EIF2A: variants seen among roughly 807,000 people sequenced by gnomAD.
EIF2A encodes the protein eukaryotic translation initiation factor 2A.
Under a neutral mutation model 75.2 loss-of-function variants are expected in EIF2A, and 62 were observed. The observed-to-expected ratio is 0.82, with a 90% CI of 0.67 to 1.02. The LOEUF is 1.02. Ranked by LOEUF, EIF2A falls within the 50% of genes least tolerant of loss-of-function variation. EIF2A has a pLI of 0.00. For missense variants in EIF2A, 611 were observed against 677.7 expected (o/e 0.90, Z 1.09); for synonymous variants, 207 against 239.0 (o/e 0.87, Z 1.23).
intron 1 of EIF2A, among the ~76,000 whole-genome samples, chr3:150,551,306 C>T (rs2107900479): frequency 6.6e-6 from 1 of 152,190 alleles, no homozygotes; most frequent in East Asian, 1.9e-4. Flanking sequence ...ATTTTCTTTC[C>T]TATTATTTCG....
chr3:150,569,194 A>G (rs1318761816), intron 9 of EIF2A, among the ~76,000 whole-genome samples: 1 of 152,208 alleles, frequency 6.6e-6, no homozygotes, highest in Non-Finnish European at 1.5e-5. Context: ...AAAGAAAACA[A>G]AATCATCTCT....
intron 10 of EIF2A, among the ~76,000 whole-genome samples, chr3:150,573,792 G>A (rs1056661090): frequency 2.0e-5 from 3 of 152,158 alleles, no homozygotes; most frequent in Admixed American, 6.5e-5. Flanking sequence ...TTACACAGCA[G>A]TAGGGGAAAA....
chr3:150,556,211 G>A (rs1223648311), intron 2 of EIF2A, among the ~76,000 whole-genome samples: 1 of 152,162 alleles, frequency 6.6e-6, no homozygotes, highest in African/African-American at 2.4e-5. Flanking sequence ...GCACATGACT[G>A]AATCCAGTAC....
At chr3:150,570,247 A>G (rs1314153336) in intron 9 of EIF2A, among the ~76,000 whole-genome samples, 1 of 152,220 alleles carries the variant, frequency 6.6e-6, no homozygotes, top group East Asian at 1.9e-4. Flanking sequence ...AGAAGAAAAG[A>G]GTCCATAAAT....
At chr3:150,554,642 C>T (rs1339470915) in intron 2 of EIF2A, among the ~76,000 whole-genome samples, 1 of 152,184 alleles carries the variant, frequency 6.6e-6, no homozygotes, top group Admixed American at 6.5e-5. Flanking sequence ...TGGGGACCCC[C>T]CTTTAAGAAC....
intron 11 of EIF2A, among the ~76,000 whole-genome samples, chr3:150,580,746 A>G (rs61199446): frequency 0.2 from 30,427 of 152,090 alleles, 3,309 homozygotes; most frequent in East Asian, 0.4. Context: ...GACCATTATT[A>G]AGTAAAATAA....
In EIF2A at chr3:150,583,267, T is replaced by C; in HGVS notation, c.1692+2T>C. 1 of 1,612,468 alleles carries C rather than the reference T, an allele frequency of 6.2e-7. No individual in the cohort carries two copies. The highest frequency in any genetic ancestry group is 8.5e-7 in the Non-Finnish European group (1 of 1,179,386). ...GGAAAACAGCTAGAAAAAAATCAGG[T>C]ACTTTCTGCATTTTTCATTTAGGCT... On this transcript the variant is annotated splice_donor_variant, in intron 13 of 13. Coordinates refer to ENST00000460851, the MANE Select transcript of EIF2A (RefSeq NM_032025.5). LOFTEE classifies it high-confidence loss of function.
In EIF2A at chr3:150,566,516, T is replaced by TC. The variant is rs1724191667; in HGVS notation, c.476-1176dup. On this transcript the variant is annotated intron_variant, in intron 6 of 13. Transcript: ENST00000460851. ...GATCATTGTTTCTAGGCCTTTTTTT[T>TC]CTATTTAAAAGATGTAACAATCATA... The TC allele has an allele frequency of 6.6e-5, 10 of 152,306 alleles. No individual in the cohort carries two copies. In the South Asian group the frequency reaches 2.1e-3, roughly 32 times the overall value. 9.4% of individuals were successfully genotyped at this position (152,306 alleles called of 1,614,324 possible).
intron 2 of EIF2A, among the ~76,000 whole-genome samples, chr3:150,554,986 G>A (rs1310640967): frequency 6.6e-6 from 1 of 152,078 alleles, no homozygotes; most frequent in Non-Finnish European, 1.5e-5. Context: ...AGAATGGAGT[G>A]GTGTAATCAT....
intron 1 of EIF2A, among the ~76,000 whole-genome samples, chr3:150,547,609 C>G (rs1256449590): frequency 6.6e-6 from 1 of 152,046 alleles, no homozygotes; most frequent in Non-Finnish European, 1.5e-5. Flanking sequence ...TGGTTAAGTT[C>G]TGATAACTAT....
chr3:150,572,045 C>T lies in EIF2A; in HGVS notation c.899C>T (p.Thr300Ile). ...TATGGTTTTATGCCTGCCAAAGCGA[C>T]AATTTTCAACTTGAAATGTGATCCT... ...AVYGFMPAKA[T>I]IFNLKCDPVF... The change falls in exon 10 of 14, where the codon ACA (threonine) becomes ATA (isoleucine). Residue 300 changes from threonine (T) to isoleucine (I), a missense_variant. Coordinates refer to ENST00000460851, the MANE Select transcript of EIF2A (RefSeq NM_032025.5). The T allele has an allele frequency of 6.2e-7, 1 of 1,613,964 alleles. No individual in the cohort carries two copies.
chr3:150,583,131 C>A, intron 12 of EIF2A, 69 bp from the exon 13 acceptor site: 1 of 1,370,112 alleles, frequency 7.3e-7, no homozygotes, highest in Non-Finnish European at 1.0e-6. Flanking sequence ...GTTTCACATT[C>A]TTAATAAGGA....
chr3:150,549,584 C>T (rs1476137498), intron 1 of EIF2A, among the ~76,000 whole-genome samples: 1 of 152,178 alleles, frequency 6.6e-6, no homozygotes, highest in African/African-American at 2.4e-5. Flanking sequence ...TTTAAACTGA[C>T]ATTCAACCAA....
chr3:150,568,717 A>G (rs1724333181), intron 9 of EIF2A, among the ~76,000 whole-genome samples: 1 of 152,034 alleles, frequency 6.6e-6, no homozygotes, highest in South Asian at 2.1e-4. Context: ...GGAGTTCAAG[A>G]CCAGCCTGAT....
intron 9 of EIF2A, among the ~76,000 whole-genome samples, 177 bp from the exon 10 acceptor site, chr3:150,571,781 T>C (rs1168759994): frequency 2.0e-5 from 3 of 152,188 alleles, no homozygotes; most frequent in Non-Finnish European, 4.4e-5. Flanking sequence ...CTTAAATAAA[T>C]TTATGATTAT....
At chr3:150,566,734 C>T (rs1044654719) in intron 6 of EIF2A, 3 of 151,734 alleles carry the variant, frequency 2.0e-5, no homozygotes, top group Admixed American at 2.0e-4. Context: ...CCACATTATC[C>T]ACAAGGTATT....
chr3:150,564,878 T>G (rs1003239031), intron 6 of EIF2A: 1 of 189,408 alleles, frequency 5.3e-6, no homozygotes, highest in Non-Finnish European at 1.1e-5. Flanking sequence ...GGGCCTTTCA[T>G]TTTTTAAACT....
intron 10 of EIF2A, among the ~76,000 whole-genome samples, chr3:150,573,918 T>C (rs780999978): frequency 4.4e-4 from 67 of 152,266 alleles, no homozygotes; most frequent in Non-Finnish European, 9.0e-4. Context: ...CCTTTTAAAA[T>C]GCGTTCGTTG....
intron 11 of EIF2A, among the ~76,000 whole-genome samples, chr3:150,579,711 A>G (rs1725063602): frequency 6.6e-6 from 1 of 152,002 alleles, no homozygotes; most frequent in African/African-American, 2.4e-5. Context: ...CCAAAAAAAA[A>G]AAAAAAGAGA....
Sources: allele counts gnomAD v4.1 joint callset (sites outside exome capture counted in the v4.1 genomes callset), GRCh38; gene constraint gnomAD v4.1.1; transcripts MANE v1.5; gene names NCBI Gene and HGNC (gene_info 2026-07-23, HGNC 2026-07-21).